The following PKHD1 variants were observed in gnomAD, a reference collection of about 807,000 sequenced individuals.
The protein encoded by PKHD1 is fibrocystin.
Under a neutral mutation model 412.0 loss-of-function variants are expected in PKHD1, and 291 were observed. The ratio of observed to expected loss-of-function variants is 0.71; its 90% CI spans 0.64 to 0.78. The LOEUF is 0.78. PKHD1 is among the 30% of genes least tolerant of loss of function. The probability of loss-of-function intolerance (pLI) is 0.00; values close to 1 mark genes in which losing one functional copy is unlikely to be tolerated. For missense variants in PKHD1, 4,825 were observed against 4,950.7 expected (o/e 0.97, Z 0.76); for synonymous variants, 1,777 against 1,821.5 (o/e 0.98, Z 0.62).
chr6:51,772,670 A>C, intron 55 of PKHD1, 32 bp downstream of exon 55: 1 of 1,139,726 alleles, frequency 8.8e-7, no homozygotes, highest in Non-Finnish European at 1.3e-6. Context: ...ACAACAACCA[A>C]GAAAAAGCCC....
intron 55 of PKHD1, among the ~76,000 whole-genome samples, chr6:51,772,031 C>A (rs1790228698): frequency 1.3e-5 from 2 of 152,002 alleles, no homozygotes; most frequent in South Asian, 2.1e-4. Flanking sequence ...TGTAACTATT[C>A]CCATATTTTC....
chr6:51,738,899 T>C (rs920049662), intron 60 of PKHD1, among the ~76,000 whole-genome samples: 2 of 151,978 alleles, frequency 1.3e-5, no homozygotes, highest in Non-Finnish European at 1.5e-5. Context: ...CTATTTCAAA[T>C]AGCAATTCGC....
chr6:51,771,790 CAT>C, intron 55 of PKHD1, among the ~76,000 whole-genome samples: 1 of 152,092 alleles, frequency 6.6e-6, no homozygotes, highest in Non-Finnish European at 1.5e-5. Flanking sequence ...CCATTTTCCA[CAT>C]GAGCGTCTTA....
chr6:51,982,895 A>G (rs577441871), intron 35 of PKHD1, among the ~76,000 whole-genome samples: 32 of 138,774 alleles, frequency 2.3e-4, no homozygotes, highest in African/African-American at 7.6e-4. Flanking sequence ...TAAAATAAAA[A>G]AAAGAGAGGC....
chr6:51,667,677 A>G (rs1774069519), intron 60 of PKHD1, among the ~76,000 whole-genome samples: 2 of 150,620 alleles, frequency 1.3e-5, no homozygotes, highest in African/African-American at 4.9e-5. Context: ...TTATGGTTTT[A>G]GGTCTAATGT....
At chr6:51,868,235 G>T in intron 47 of PKHD1, 126 bp from the exon 48 acceptor site, 1 of 890,180 alleles carries the variant, frequency 1.1e-6, no homozygotes, top group Non-Finnish European at 1.8e-6. Context: ...ATTCATGCAA[G>T]AAAAAAAGTG....
chr6:51,845,133 C>A (rs1770922021), intron 50 of PKHD1, among the ~76,000 whole-genome samples: 1 of 152,164 alleles, frequency 6.6e-6, no homozygotes, highest in South Asian at 2.1e-4. Flanking sequence ...GCTCGGGTAC[C>A]AACAACAGCA....
intron 60 of PKHD1, among the ~76,000 whole-genome samples, chr6:51,728,720 G>A (rs1782883168): frequency 6.6e-6 from 1 of 152,148 alleles, no homozygotes; most frequent in Non-Finnish European, 1.5e-5. Flanking sequence ...CCAGACTTCT[G>A]ACCTACAAAA....
chr6:52,000,870 C>T (rs1798289665), intron 35 of PKHD1, among the ~76,000 whole-genome samples: 1 of 152,190 alleles, frequency 6.6e-6, no homozygotes, highest in Non-Finnish European at 1.5e-5. Flanking sequence ...ATCATAAACT[C>T]ATTTGATACA....
chr6:51,698,263 A>C (rs1779033485), intron 60 of PKHD1, among the ~76,000 whole-genome samples: 1 of 152,246 alleles, frequency 6.6e-6, no homozygotes, highest in East Asian at 1.9e-4. Context: ...ATTGCAGAGT[A>C]GAAAATCAAA....
intron 36 of PKHD1, among the ~76,000 whole-genome samples, chr6:51,945,882 C>T (rs1225425225): frequency 6.6e-6 from 1 of 152,166 alleles, no homozygotes; most frequent in East Asian, 1.9e-4. Context: ...ACAAACCTTC[C>T]CCAGTAGCTC....
At chr6:51,810,371 CA>C (rs986021064) in intron 52 of PKHD1, among the ~76,000 whole-genome samples, 65 of 152,120 alleles carry the variant, frequency 4.3e-4, no homozygotes, top group African/African-American at 1.5e-3. Flanking sequence ...CAAAAGAAAA[CA>C]ACAACAAAAA....
At chr6:51,828,802 AC>A (rs1258310222) in intron 52 of PKHD1, among the ~76,000 whole-genome samples, 1 of 152,012 alleles carries the variant, frequency 6.6e-6, no homozygotes, top group Non-Finnish European at 1.5e-5. Context: ...CAATCCAGAG[AC>A]CCATCAGAGG....
intron 57 of PKHD1, among the ~76,000 whole-genome samples, chr6:51,749,456 A>G (rs554081068): frequency 1.3e-5 from 2 of 152,326 alleles, no homozygotes; most frequent in South Asian, 4.1e-4. Context: ...TAAAAATACA[A>G]TGATTCAGCA....
intron 6 of PKHD1, 32 bp from the exon 7 acceptor site, chr6:52,073,573 G>C (rs1422853862): frequency 8.0e-7 from 1 of 1,251,360 alleles, no homozygotes; most frequent in East Asian, 2.3e-5. Flanking sequence ...TAATTTAATG[G>C]ACTTAGCTCA....
chr6:51,629,213 T>C (rs2661495), intron 65 of PKHD1, among the ~76,000 whole-genome samples: 6,404 of 152,026 alleles, frequency 0.042, 227 homozygotes, highest in African/African-American at 0.09. Context: ...ATAAAAAAAG[T>C]GGGACCGAAT....
chr6:52,058,717 T>C lies in PKHD1; in HGVS notation c.1234-116A>G, dbSNP rs1486747639. On this transcript the variant is annotated intron_variant, in intron 15 of 66. Coordinates refer to ENST00000371117, the MANE Select transcript of PKHD1 (RefSeq NM_138694.4). ...GAGAGTTTTGAACTGGTCTGCCTTT[T>C]TAACATATTAACCCAGTTACCTCAG... The C allele has an allele frequency of 4.0e-6, 4 of 999,544 alleles. No individual in the cohort carries two copies. In the African/African-American group the frequency reaches 4.7e-5, roughly 12 times the overall value. The allele number at this position is 999,544 out of a possible 1,614,324, so 61.9% of individuals were successfully genotyped here. A position where few individuals can be genotyped will look rare whatever the true frequency, so the allele number is the denominator to read the frequency against.
intron 63 of PKHD1, among the ~76,000 whole-genome samples, chr6:51,644,416 C>T (rs1011998117): frequency 1.3e-5 from 2 of 152,104 alleles, no homozygotes; most frequent in African/African-American, 2.4e-5. Flanking sequence ...AGACGAGGCA[C>T]GTCTATGATT....
chr6:51,670,651 T>G (rs2150498018), intron 60 of PKHD1, among the ~76,000 whole-genome samples: 1 of 152,288 alleles, frequency 6.6e-6, no homozygotes, highest in Admixed American at 6.5e-5. Context: ...CTCGATGGTC[T>G]TTACAATTTG....
Sources: allele counts gnomAD v4.1 joint callset (sites outside exome capture counted in the v4.1 genomes callset), GRCh38; gene constraint gnomAD v4.1.1; transcripts MANE v1.5; gene names NCBI Gene and HGNC (gene_info 2026-07-23, HGNC 2026-07-21).